Variants in GPC5 observed in about 807,000 individuals in gnomAD.
GPC5 encodes the protein glypican 5.
A neutral mutation model predicts 53.9 loss-of-function variants in GPC5; 47 were observed. The observed-to-expected ratio is 0.87, with a 90% confidence interval of 0.69 to 1.11. The LOEUF (loss-of-function observed/expected upper bound fraction) is 1.11. Among genes scored for constraint, GPC5 ranks in the 50% most tolerant of loss-of-function variants. The probability of loss-of-function intolerance (pLI) is 0.00; values close to 1 mark genes in which losing one functional copy is unlikely to be tolerated. For synonymous variants in GPC5, 286 were observed against 263.3 expected, an observed-to-expected ratio of 1.09 and a Z score of -0.84; for missense variants, 748 against 713.1, an observed-to-expected ratio of 1.05 and a Z score of -0.56.
At chr13:92,618,192 A>G (rs1337413127) in intron 7 of GPC5, among the ~76,000 whole-genome samples, 1 of 152,170 alleles carries the variant, frequency 6.6e-6, no homozygotes, top group Non-Finnish European at 1.5e-5. Context: ...TATCTTAAGT[A>G]CATAGTTATT....
intron 5 of GPC5, among the ~76,000 whole-genome samples, chr13:91,815,089 G>T (rs149915618): frequency 3.9e-4 from 60 of 152,236 alleles, no homozygotes; most frequent in African/African-American, 1.4e-3. Flanking sequence ...AAAGAAGCTG[G>T]GTATGGTGGC....
intron 7 of GPC5, among the ~76,000 whole-genome samples, chr13:92,246,942 A>G (rs769886867): frequency 6.6e-6 from 1 of 152,120 alleles, no homozygotes; most frequent in Non-Finnish European, 1.5e-5. Context: ...ATCCATACTC[A>G]GGTATTCTTG....
At chr13:92,352,234 T>C (rs2043484199) in intron 7 of GPC5, among the ~76,000 whole-genome samples, 1 of 152,024 alleles carries the variant, frequency 6.6e-6, no homozygotes, top group South Asian at 2.1e-4. Context: ...AAAAATTGAA[T>C]AACTCATATA....
chr13:92,204,948 G>A (rs1009736576), intron 7 of GPC5, among the ~76,000 whole-genome samples: 3 of 152,028 alleles, frequency 2.0e-5, no homozygotes, highest in Admixed American at 6.6e-5. Context: ...GCGCAATCTC[G>A]GCTCACTGCA....
At chr13:91,907,497 C>T (rs1257996566) in intron 5 of GPC5, among the ~76,000 whole-genome samples, 1 of 78,724 alleles carries the variant, frequency 1.3e-5, no homozygotes, top group East Asian at 6.8e-4. Flanking sequence ...CTCTCTCTCT[C>T]TCTCTTTATA....
intron 2 of GPC5, among the ~76,000 whole-genome samples, chr13:91,616,081 T>TG (rs2033688171): frequency 6.6e-6 from 1 of 152,110 alleles, no homozygotes; most frequent in Admixed American, 6.6e-5. Flanking sequence ...TAAAAAGGCT[T>TG]GTATTAATCT....
At chr13:92,794,239 C>T (rs1296346100) in intron 7 of GPC5, among the ~76,000 whole-genome samples, 1 of 152,096 alleles carries the variant, frequency 6.6e-6, no homozygotes, top group African/African-American at 2.4e-5. Flanking sequence ...ATACGTGAAT[C>T]AATAAACGTA....
intron 2 of GPC5, among the ~76,000 whole-genome samples, chr13:91,538,581 ATTTT>A (rs11374916): frequency 1.5e-5 from 2 of 129,224 alleles, no homozygotes; most frequent in East Asian, 2.3e-4. Flanking sequence ...ATTGCAAATA[ATTTT>A]TTTTTTTTTT....
chr13:92,144,730 G>T, intron 6 of GPC5, 100 bp from the exon 7 acceptor site: 1 of 1,116,606 alleles, frequency 9.0e-7, no homozygotes, highest in Non-Finnish European at 1.3e-6. Context: ...CCAAAAGAGT[G>T]GATCCACATA....
At chr13:92,296,772 C>T (rs1357736139) in intron 7 of GPC5, among the ~76,000 whole-genome samples, 1 of 152,216 alleles carries the variant, frequency 6.6e-6, no homozygotes, top group Non-Finnish European at 1.5e-5. Context: ...GCCAGCCAGC[C>T]CTGCTGGCCC....
rs2043319965 is a variant in GPC5 at position 92,335,943 on chromosome 13, C to T, written c.1561+190954C>T. ...CTCTATGAAGTTCCAAACTTTCCCACATTTTCCTATCTTCTTCTGAGCCCT... is the reference window on the plus strand; with the variant it reads ...CTCTATGAAGTTCCAAACTTTCCCATATTTTCCTATCTTCTTCTGAGCCCT... On this transcript the variant is annotated intron_variant, in intron 7 of 7. Coordinates refer to ENST00000377067, the MANE Select transcript of GPC5 (RefSeq NM_004466.6). 2.0e-5 allele frequency among the ~76,000 whole-genome samples: 3 copies of T among 152,196 alleles called. No individual in the cohort carries two copies. In the South Asian group the frequency reaches 6.2e-4, roughly 32 times the overall value.
chr13:91,958,696 A>C (rs2040097178), intron 6 of GPC5, among the ~76,000 whole-genome samples: 1 of 152,064 alleles, frequency 6.6e-6, no homozygotes, highest in Non-Finnish European at 1.5e-5. Flanking sequence ...AACATAATGA[A>C]ATAACATTAG....
chr13:91,826,029 A>C (rs1246570104), intron 5 of GPC5, among the ~76,000 whole-genome samples: 1 of 152,112 alleles, frequency 6.6e-6, no homozygotes, highest in Non-Finnish European at 1.5e-5. Flanking sequence ...AGTCTGGACA[A>C]GTTAACTAAA....
chr13:92,082,506 C>T (rs1282298920), intron 6 of GPC5, among the ~76,000 whole-genome samples: 1 of 152,068 alleles, frequency 6.6e-6, no homozygotes, highest in Non-Finnish European at 1.5e-5. Context: ...TGTTTGGTGA[C>T]ACTTTAAGAT....
intron 2 of GPC5, among the ~76,000 whole-genome samples, chr13:91,481,185 A>G (rs1168420021): frequency 6.6e-6 from 1 of 152,214 alleles, no homozygotes; most frequent in Non-Finnish European, 1.5e-5. Flanking sequence ...GAGCATTCAC[A>G]TGAGAAATGG....
chr13:92,399,708 C>T (rs1368810780), intron 7 of GPC5, among the ~76,000 whole-genome samples: 1 of 152,150 alleles, frequency 6.6e-6, no homozygotes, highest in East Asian at 1.9e-4. Flanking sequence ...ACCCATAGAG[C>T]TTGTGGGAGA....
At chr13:91,875,435 G>C (rs2039191544) in intron 5 of GPC5, among the ~76,000 whole-genome samples, 1 of 152,124 alleles carries the variant, frequency 6.6e-6, no homozygotes, top group Non-Finnish European at 1.5e-5. Context: ...TAAAAAATAA[G>C]AACTGAGATT....
chr13:91,693,160 CA>C, intron 2 of GPC5, 26 bp from the exon 3 acceptor site: 1 of 1,539,184 alleles, frequency 6.5e-7, no homozygotes, highest in Non-Finnish European at 8.9e-7. Context: ...TAAACCTTCT[CA>C]TGTTTTACCT....
At chr13:92,245,898 A>G (rs2042647096) in intron 7 of GPC5, among the ~76,000 whole-genome samples, 1 of 151,998 alleles carries the variant, frequency 6.6e-6, no homozygotes. Flanking sequence ...TTTTTTTGGT[A>G]ATTGTCTTAA....
Sources: allele counts gnomAD v4.1 joint callset (sites outside exome capture counted in the v4.1 genomes callset), GRCh38; gene constraint gnomAD v4.1.1; transcripts MANE v1.5; gene names NCBI Gene and HGNC (gene_info 2026-07-23, HGNC 2026-07-21).